Variants in TRPM5 observed in about 807,000 individuals in gnomAD.
TRPM5 encodes MLSN1 and TRP-related.
In TRPM5, 121 loss-of-function variants were observed where a neutral mutation model predicts 124.9. That is an observed-to-expected ratio of 0.97 (90% CI 0.84 to 1.13). The LOEUF (loss-of-function observed/expected upper bound fraction) is 1.13. Among genes scored for constraint, TRPM5 ranks in the 50% most tolerant of loss-of-function variants. TRPM5 has a pLI of 0.00. For synonymous variants in TRPM5, 781 were observed against 700.5 expected (o/e 1.11, Z -1.81); for missense variants, 1,643 against 1,589.1 (o/e 1.03, Z -0.58).
chr11:2,437,062 G>A, the TRPM5 span, among the ~76,000 whole-genome samples: 1 of 152,218 alleles, frequency 6.6e-6, no homozygotes, highest in South Asian at 2.1e-4. This position sits in a 1 kb window ranked among gnomAD's most constrained non-coding sequence, Gnocchi z 5.6. Context: ...TCTGTCCTGG[G>A]TGCACCTTTC....
chr11:2,421,086 G>A (rs771866425), exon 3 of TRPM5: 11 of 1,549,830 alleles, frequency 7.1e-6, no homozygotes, highest in East Asian at 2.4e-5. Context: ...AGGCCATGCC[G>A]ACAGCAACCA....
In TRPM5 at chr11:2,405,890, G is replaced by A. The variant is rs897875407; in HGVS notation, c.3324+129C>T. 3.5e-6 allele frequency: 3 copies of A among 862,862 alleles called. No individual in the cohort carries two copies. In the African/African-American group the frequency reaches 5.0e-5, roughly 14 times the overall value. The allele number at this position is 862,862 out of a possible 1,614,324, so 53.5% of individuals were successfully genotyped here. On this transcript the variant is annotated intron_variant, in intron 22 of 23. Transcript: ENST00000155858. ...CCCCAGAACGCTCCTCTGCCCACTG[G>A]GGTGCTCCTGTCCTGGCTCTGGCCT... is the stretch of plus-strand genomic sequence containing the variant.
At chr11:2,417,218 G>A (rs10832004) in intron 7 of TRPM5, among the ~76,000 whole-genome samples, 31,200 of 152,210 alleles carry the variant, frequency 0.2, 3,522 homozygotes, top group Middle Eastern at 0.34. Flanking sequence ...TTGGGAGGCC[G>A]AGGCAGGCGG....
exon 15 of TRPM5, chr11:2,412,800 G>A (rs1271937437): frequency 6.2e-7 from 1 of 1,607,348 alleles, no homozygotes; most frequent in African/African-American, 1.3e-5. Context: ...GAAGTAGAGG[G>A]TGACCTCGGG....
At chr11:2,411,759 G>A (rs1227060968) in exon 17 of TRPM5, 24 of 1,612,444 alleles carry the variant, frequency 1.5e-5, no homozygotes, top group East Asian at 1.1e-4. Flanking sequence ...AAACGCCGAC[G>A]GCAGCATCCT....
chr11:2,430,658 A>AGTGTTGATGGTGGTG, the TRPM5 span, among the ~76,000 whole-genome samples: 2 of 107,368 alleles, frequency 1.9e-5, no homozygotes, highest in African/African-American at 3.9e-5. Context: ...TGATGGTGAC[A>AGTGTTGATGGTGGTG]GTGTTGATGG....
chr11:2,442,711 TG>T, the TRPM5 span, among the ~76,000 whole-genome samples: 2 of 152,242 alleles, frequency 1.3e-5, no homozygotes, highest in African/African-American at 4.8e-5. This position sits in a 1 kb window ranked among gnomAD's most constrained non-coding sequence, Gnocchi z 5.9. Flanking sequence ...CACCTGTGCC[TG>T]CTGCCTCTCC....
intron 4 of TRPM5, among the ~76,000 whole-genome samples, chr11:2,419,126 G>T (rs1845730421): frequency 6.6e-6 from 1 of 152,166 alleles, no homozygotes; most frequent in Admixed American, 6.5e-5. Context: ...AGGTGCCTTA[G>T]AATCACCCAC....
chr11:2,411,427 C>G, exon 18 of TRPM5: 3 of 1,612,368 alleles, frequency 1.9e-6, no homozygotes, highest in Non-Finnish European at 2.5e-6. Flanking sequence ...AAGATCCACT[C>G]CAGGCGGCCG....
At chr11:2,434,353 G>T in the TRPM5 span, among the ~76,000 whole-genome samples, 2 of 151,602 alleles carry the variant, frequency 1.3e-5, no homozygotes, top group African/African-American at 4.9e-5. Context: ...GTGTGAATGT[G>T]TGTAGGTACA....
At chr11:2,411,433 G>C in exon 18 of TRPM5, 1 of 1,612,318 alleles carries the variant, frequency 6.2e-7, no homozygotes, top group Non-Finnish European at 8.5e-7. Context: ...CACTCCAGGC[G>C]GCCGTCATGG....
At chr11:2,404,399 G>A (rs1405662025), downstream of TRPM5, 5 of 153,702 alleles carry the variant, frequency 3.3e-5, no homozygotes. Flanking sequence ...GCCATCGGGT[G>A]TCAGGGGGAC....
Position 2,407,756 on chromosome 11 carries a change from C to T in TRPM5, c.2936+3G>A, listed in dbSNP as rs1467793509. On this transcript the variant is annotated splice_donor_region_variant and intron_variant, in intron 19 of 23. Transcript: ENST00000155858. ...CTCTCCTCCAGGGGTTGGGTGGAGT[C>T]ACCTGAACATGGCGATGAGCAGGTT... 1 of 1,613,128 alleles carries T rather than the reference C, an allele frequency of 6.2e-7. No individual in the cohort carries two copies. The highest frequency in any genetic ancestry group is 8.5e-7 in the Non-Finnish European group (1 of 1,179,780).
downstream of TRPM5, among the ~76,000 whole-genome samples, chr11:2,404,306 C>T (rs1296189869): frequency 6.6e-6 from 1 of 152,188 alleles, no homozygotes; most frequent in African/African-American, 2.4e-5. Flanking sequence ...CAGTGTTTTC[C>T]AGGCTCCACT....
At chr11:2,425,629 A>AGACCTCACCCTGGGCGGGG (rs150522388), upstream of TRPM5, among the ~76,000 whole-genome samples, 1 of 150,644 alleles carries the variant, frequency 6.6e-6, no homozygotes, top group Admixed American at 6.6e-5. Context: ...CCTGGGCGGG[A>AGACCTCACCCTGGGCGGGG]GTCCTCACCC....
At chr11:2,420,503 T>G in intron 3 of TRPM5, 98 bp from the exon 9 acceptor site, 1 of 1,293,078 alleles carries the variant, frequency 7.7e-7, no homozygotes, top group East Asian at 2.5e-5. Flanking sequence ...CACCACGCCA[T>G]GGGGCCCCGC....
At chr11:2,432,835 G>A in the TRPM5 span, among the ~76,000 whole-genome samples, 5 of 152,234 alleles carry the variant, frequency 3.3e-5, no homozygotes, top group East Asian at 3.9e-4. Flanking sequence ...GAAGCAGCCC[G>A]GAGCCCCTCA....
intron 18 of TRPM5, chr11:2,410,758 G>A: frequency 4.5e-6 from 2 of 442,662 alleles, no homozygotes; most frequent in Non-Finnish European, 9.1e-6. Flanking sequence ...CCATAGGCAT[G>A]GGCAGGCCAC....
At chr11:2,428,925 T>C in the TRPM5 span, among the ~76,000 whole-genome samples, 161 of 103,844 alleles carry the variant, frequency 1.6e-3, 5 homozygotes, top group South Asian at 0.054. This position sits in a 1 kb window ranked among gnomAD's most constrained non-coding sequence, Gnocchi z 4.0. Flanking sequence ...GTGTTGGTGA[T>C]GGTGATGGTG....
Sources: gnomAD v4.1 joint callset for allele counts (sites outside exome capture counted in the v4.1 genomes callset) on GRCh38, gnomAD v4.1.1 for gene constraint, Gnocchi (gnomAD v3.1) non-coding constraint, MANE v1.5 for transcripts, NCBI Gene and HGNC (gene_info 2026-07-23, HGNC 2026-07-21) for gene names.